WDFY3: variants seen among roughly 807,000 people sequenced by gnomAD.
WDFY3 encodes the protein WD repeat and FYVE domain containing 3, also known as WD repeat and FYVE domain-containing protein 3.
WDFY3 carries 66 observed loss-of-function variants against 409.6 expected under a neutral mutation model. The ratio of observed to expected loss-of-function variants is 0.16; its 90% CI spans 0.13 to 0.20. The LOEUF (loss-of-function observed/expected upper bound fraction) is 0.20. Among genes scored for constraint, WDFY3 ranks in the 10% least tolerant of loss-of-function variants. The pLI is 1.00. For synonymous variants in WDFY3, 1,521 were observed against 1,537.1 expected (o/e 0.99, Z 0.25); for missense variants, 3,031 against 4,298.1 (o/e 0.71, Z 8.24).
chr4:84,703,020 C>G (rs1375808184), intron 55 of WDFY3, among the ~76,000 whole-genome samples: 1 of 151,872 alleles, frequency 6.6e-6, no homozygotes. Flanking sequence ...GGCATGAACC[C>G]CAGGGGGCGG....
At chr4:84,677,049 A>T in intron 67 of WDFY3, 150 bp downstream of exon 67, 1 of 885,374 alleles carries the variant, frequency 1.1e-6, no homozygotes, top group Non-Finnish European at 1.6e-6. Context: ...TGTAGTAATA[A>T]AGAAGAACAG....
chr4:84,778,747 A>G, intron 26 of WDFY3, 92 bp from the exon 27 acceptor site: 2 of 1,251,314 alleles, frequency 1.6e-6, no homozygotes, highest in African/African-American at 1.5e-5. Context: ...ACAAACACAC[A>G]CATACACACA....
chr4:84,695,499 C>CAGAGAGAGACAGAGAGAGAGAGAGAGAG (rs1217791319), intron 58 of WDFY3, among the ~76,000 whole-genome samples: 2 of 73,070 alleles, frequency 2.7e-5, no homozygotes, highest in African/African-American at 9.0e-5. Context: ...CACACAGAGA[C>CAGAGAGAGACAGAGAGAGAGAGAGAGAG]AGAGAGAGAT....
chr4:84,679,841 T>TATATATATATATACACACAC (rs1235574031), intron 64 of WDFY3, among the ~76,000 whole-genome samples: 1 of 141,262 alleles, frequency 7.1e-6, no homozygotes, highest in African/African-American at 2.6e-5. Flanking sequence ...TATATATATA[T>TATATATATATATACACACAC]ACACACACAC....
At chr4:84,775,901 AGACTTTTCCAGAT>A (rs1308730563) in intron 27 of WDFY3, among the ~76,000 whole-genome samples, 1 of 152,052 alleles carries the variant, frequency 6.6e-6, no homozygotes, top group Non-Finnish European at 1.5e-5. Context: ...AAGAAATGGA[AGACTTTTCCAGAT>A]GACAGAATTC....
At chr4:84,832,971 T>A (rs1755968639) in intron 7 of WDFY3, among the ~76,000 whole-genome samples, 1 of 152,094 alleles carries the variant, frequency 6.6e-6, no homozygotes, top group Non-Finnish European at 1.5e-5. Context: ...TTTTTTCAAT[T>A]TTCTATACAA....
At chr4:84,811,349 C>G (rs1344149822) in intron 13 of WDFY3, among the ~76,000 whole-genome samples, 1 of 152,152 alleles carries the variant, frequency 6.6e-6, no homozygotes, top group African/African-American at 2.4e-5. Flanking sequence ...TTTTATCAGG[C>G]ACTTGCTATG....
At chr4:84,737,700 T>C (rs1737689073) in intron 40 of WDFY3, among the ~76,000 whole-genome samples, 1 of 152,254 alleles carries the variant, frequency 6.6e-6, no homozygotes, top group Non-Finnish European at 1.5e-5. Flanking sequence ...TAAATCTGAA[T>C]GTTTAAGGTG....
At chr4:84,890,496 C>A in intron 3 of WDFY3, among the ~76,000 whole-genome samples, 1 of 152,164 alleles carries the variant, frequency 6.6e-6, no homozygotes, top group Middle Eastern at 3.2e-3. Context: ...GATCCTAGTA[C>A]CCAGTAATTA....
In WDFY3 at chr4:84,757,125, G is replaced by A. The variant is rs771941472; in HGVS notation, c.5225C>T (p.Thr1742Met). 6.8e-6 allele frequency: 11 copies of A among 1,613,934 alleles called. No homozygotes were observed. The highest frequency in any genetic ancestry group is 5.3e-5 in the African/African-American group (4 of 74,914). ...AGCATCTCGGTTAATCTCCCTGACC[G>A]TCGATCTCCCACCAGCACTTCTGCC... Reference protein sequence around the residue: ...NVGRSAGGRSTVREINRDACH... With the variant: ...NVGRSAGGRSMVREINRDACH... The change falls in exon 33 of 68, where the codon ACG becomes ATG. Residue 1742 changes from threonine (T) to methionine (M), a missense_variant. Coordinates refer to ENST00000295888, the MANE Select transcript of WDFY3 (RefSeq NM_014991.6).
chr4:84,867,323 T>C (rs1388567830), intron 3 of WDFY3, among the ~76,000 whole-genome samples: 1 of 152,172 alleles, frequency 6.6e-6, no homozygotes, highest in Non-Finnish European at 1.5e-5. Context: ...TATTTCTCAG[T>C]TGGATGTAGA....
At chr4:84,836,143 T>C (rs1253927890) in intron 7 of WDFY3, among the ~76,000 whole-genome samples, 2 of 152,194 alleles carry the variant, frequency 1.3e-5, no homozygotes, top group African/African-American at 4.8e-5. Context: ...TCTACTCCTA[T>C]AGAAAAATAA....
chr4:84,817,629 A>G (rs534689659), intron 12 of WDFY3, 44 bp from the exon 13 acceptor site: 1 of 1,502,878 alleles, frequency 6.7e-7, no homozygotes, highest in South Asian at 1.2e-5. Flanking sequence ...ACTTTAAAAT[A>G]TTCTGAGACA....
At chr4:84,872,321 C>T (rs1379940231) in intron 3 of WDFY3, among the ~76,000 whole-genome samples, 1 of 151,850 alleles carries the variant, frequency 6.6e-6, no homozygotes, top group Non-Finnish European at 1.5e-5. Flanking sequence ...AAAAATTAGC[C>T]AGGCGTGGTG....
intron 34 of WDFY3, 86 bp from the exon 35 acceptor site, chr4:84,753,962 T>A (rs2149312549): frequency 7.4e-7 from 1 of 1,357,548 alleles, no homozygotes; most frequent in Non-Finnish European, 9.6e-7. Context: ...CTCAGTATTC[T>A]TATGAAACTG....
In WDFY3 at chr4:84,921,646, A is replaced by ATTTT. The variant is rs747576197; in HGVS notation, c.-132+10620_-132+10623dup. ...ATGGAACCAAGTCTCTATTGCTTTC[A>ATTTT]TTTTTTTTTTTTTTTTTTTTTTTTT... On this transcript the variant is annotated intron_variant, in intron 2 of 67. Transcript: ENST00000295888. Among the ~76,000 whole-genome samples, 24 of 78,674 alleles carry ATTTT rather than the reference A, an allele frequency of 3.1e-4. 2 individuals are homozygous for ATTTT. Among genetic ancestry groups the ATTTT allele is most frequent in the African/African-American group, 4.5e-4 (8 of 17,624 alleles). The allele number at this position is 78,674 out of a possible 152,430, so 51.6% of individuals were successfully genotyped here.
Position 84,751,528 on chromosome 4 carries a change from G to T in WDFY3, c.5928C>A (p.Leu1976=), listed in dbSNP as rs1244635356. The part of the protein sequence containing the change: ...MRVLIIDNLC[L]TPASKQTPLI... ...GTGGAGTTTGCTTGCTGGCAGGAGT[G>T]AGACAGAGGTTGTCTATGATTAAGA... Residue 1976 remains leucine, a synonymous_variant, in exon 36 of 68, where the codon CTC becomes CTA. Coordinates refer to ENST00000295888, the MANE Select transcript of WDFY3 (RefSeq NM_014991.6). 6.2e-7 allele frequency: 1 copy of T among 1,614,202 alleles called. No individual in the cohort carries two copies. The highest frequency in any genetic ancestry group is 1.7e-5 in the Admixed American group (1 of 60,020).
chr4:84,866,180 C>T (rs1167338131), intron 3 of WDFY3, among the ~76,000 whole-genome samples: 1 of 152,128 alleles, frequency 6.6e-6, no homozygotes, highest in African/African-American at 2.4e-5. Flanking sequence ...TCAGATTCCT[C>T]CTTTGCTCCT....
chr4:84,884,928 G>A (rs1483464072), intron 3 of WDFY3, among the ~76,000 whole-genome samples: 4 of 152,158 alleles, frequency 2.6e-5, no homozygotes, highest in East Asian at 1.9e-4. Flanking sequence ...ACGGAGGTGC[G>A]TTCAAAATGG....
Sources: allele counts gnomAD v4.1 joint callset (sites outside exome capture counted in the v4.1 genomes callset), GRCh38; gene constraint gnomAD v4.1.1; transcripts MANE v1.5; gene names NCBI Gene and HGNC (gene_info 2026-07-23, HGNC 2026-07-21).